Variants in GRIA4 observed in about 807,000 individuals in gnomAD.
GRIA4 encodes glutamate receptor 4.
A neutral mutation model predicts 104.0 loss-of-function variants in GRIA4; 34 were observed. The ratio of observed to expected loss-of-function variants is 0.33; its 90% CI spans 0.25 to 0.44. The LOEUF (loss-of-function observed/expected upper bound fraction) is 0.44. GRIA4 is among the 20% of genes least tolerant of loss of function. GRIA4 has a pLI of 1.00. For synonymous variants in GRIA4, 386 were observed against 381.9 expected (o/e 1.01, Z -0.13); for missense variants, 750 against 1,096.5 (o/e 0.68, Z 4.46).
At chr11:105,948,869 G>A (rs1240718753) in intron 14 of GRIA4, among the ~76,000 whole-genome samples, 1 of 152,008 alleles carries the variant, frequency 6.6e-6, no homozygotes, top group Non-Finnish European at 1.5e-5. Flanking sequence ...GAGATGACAG[G>A]CATGAGCCAC....
intron 12 of GRIA4, among the ~76,000 whole-genome samples, chr11:105,924,995 T>C (rs1458608396): frequency 6.6e-6 from 1 of 152,092 alleles, no homozygotes; most frequent in Non-Finnish European, 1.5e-5. Context: ...CCATCAGAGC[T>C]CTCAAAAATC....
chr11:105,874,147 T>A (rs935428141), intron 5 of GRIA4, among the ~76,000 whole-genome samples: 1 of 152,192 alleles, frequency 6.6e-6, no homozygotes, highest in Non-Finnish European at 1.5e-5. Context: ...CTAGCCAGTT[T>A]TCCCAGCACC....
chr11:105,965,536 G>A (rs1333217833), intron 14 of GRIA4, among the ~76,000 whole-genome samples: 1 of 146,602 alleles, frequency 6.8e-6, no homozygotes, highest in East Asian at 2.1e-4. Flanking sequence ...TTGATGGTTT[G>A]TATATGCCAT....
intron 4 of GRIA4, among the ~76,000 whole-genome samples, chr11:105,803,616 A>G (rs1275778577): frequency 6.6e-6 from 1 of 151,938 alleles, no homozygotes; most frequent in African/African-American, 2.4e-5. Flanking sequence ...TTTTAGATCA[A>G]TGTTCATGAA....
intron 3 of GRIA4, among the ~76,000 whole-genome samples, chr11:105,667,325 C>T (rs986482244): frequency 2.0e-5 from 3 of 151,818 alleles, no homozygotes; most frequent in Non-Finnish European, 4.4e-5. Flanking sequence ...AAAAAAGTTA[C>T]TGGATGCCTA....
At position 105,967,317 on chromosome 11, in the gene GRIA4, A is replaced by G. The variant is rs548957140; in HGVS notation, c.2295-4597A>G. On this transcript the variant is annotated intron_variant, in intron 14 of 16. Transcript: ENST00000282499. ...AAAAATAAGCAAGCATAACAGAAACATATATATGTTAGAAAAATCTATGTA... is the reference window on the plus strand; with the variant it reads ...AAAAATAAGCAAGCATAACAGAAACGTATATATGTTAGAAAAATCTATGTA... Among the ~76,000 whole-genome samples the G allele has an allele frequency of 2.6e-5, 4 of 152,304 alleles. No homozygotes were observed. In the South Asian group the frequency reaches 6.2e-4, roughly 24 times the overall value.
intron 6 of GRIA4, among the ~76,000 whole-genome samples, chr11:105,897,433 G>A (rs1366448679): frequency 1.3e-5 from 2 of 151,844 alleles, no homozygotes; most frequent in African/African-American, 4.8e-5. Context: ...GGCTAGGATT[G>A]GAGGTACTAT....
At chr11:105,817,631 C>T (rs960642897) in intron 4 of GRIA4, among the ~76,000 whole-genome samples, 4 of 151,766 alleles carry the variant, frequency 2.6e-5, no homozygotes, top group African/African-American at 9.7e-5. Context: ...AGGATAAATT[C>T]CATTTCAAAA....
chr11:105,910,844 A>G (rs989538827), intron 10 of GRIA4, among the ~76,000 whole-genome samples: 1 of 152,158 alleles, frequency 6.6e-6, no homozygotes, highest in African/African-American at 2.4e-5. Flanking sequence ...CTAAAGCACA[A>G]AACAGTGAAC....
At chr11:105,939,917 A>G (rs1008918050) in intron 14 of GRIA4, among the ~76,000 whole-genome samples, 13 of 152,168 alleles carry the variant, frequency 8.5e-5, no homozygotes, top group Non-Finnish European at 1.5e-5. Context: ...AGGAGGAACC[A>G]TTACCTTCTT....
At chr11:105,894,924 C>G (rs936912469) in intron 6 of GRIA4, among the ~76,000 whole-genome samples, 4 of 138,274 alleles carry the variant, frequency 2.9e-5, no homozygotes, top group Non-Finnish European at 6.3e-5. Flanking sequence ...CTCAGCCTCC[C>G]GAGTAGCTGG....
intron 4 of GRIA4, among the ~76,000 whole-genome samples, chr11:105,773,769 T>C (rs954735978): frequency 4.0e-5 from 6 of 151,852 alleles, no homozygotes; most frequent in Admixed American, 2.0e-4. Context: ...TTCCACCTGG[T>C]TGGGGAGAAT....
chr11:105,740,336 G>T (rs997484320), intron 3 of GRIA4, among the ~76,000 whole-genome samples: 1 of 152,176 alleles, frequency 6.6e-6, no homozygotes, highest in Admixed American at 6.6e-5. Context: ...AAACTTAACT[G>T]CCAGGGTCAA....
intron 3 of GRIA4, among the ~76,000 whole-genome samples, chr11:105,745,560 A>G (rs1212032348): frequency 6.6e-6 from 1 of 152,154 alleles, no homozygotes; most frequent in Non-Finnish European, 1.5e-5. Context: ...AAGCCAATAT[A>G]CCCAGAACAA....
chr11:105,646,089 C>A (rs1012146247), intron 3 of GRIA4, among the ~76,000 whole-genome samples: 1 of 152,024 alleles, frequency 6.6e-6, no homozygotes, highest in Non-Finnish European at 1.5e-5. Flanking sequence ...TGAGGGAAAC[C>A]CATATTAGCT....
chr11:105,911,726 G>A (rs546517525), intron 10 of GRIA4: 96 of 160,622 alleles, frequency 6.0e-4, no homozygotes, highest in African/African-American at 2.0e-3. Flanking sequence ...CAGTTTTTGC[G>A]TAAACTTTCT....
At chr11:105,704,529 C>A (rs1236839582) in intron 3 of GRIA4, among the ~76,000 whole-genome samples, 1 of 151,898 alleles carries the variant, frequency 6.6e-6, no homozygotes, top group Non-Finnish European at 1.5e-5. Context: ...GGAGCTCATT[C>A]TTCATCTTAA....
At chr11:105,974,693 T>C in intron 16 of GRIA4, 1 of 815,246 alleles carries the variant, frequency 1.2e-6, no homozygotes, top group Non-Finnish European at 1.9e-6. Context: ...GCAAATTGGT[T>C]CGGTTTTCTT....
In GRIA4 at chr11:105,924,439, T is replaced by C. The variant is rs1206478965; in HGVS notation, c.1517T>C (p.Val506Ala). 6.2e-7 allele frequency: 1 copy of C among 1,608,718 alleles called. No homozygotes were observed. The highest frequency in any genetic ancestry group is 8.5e-7 in the Non-Finnish European group (1 of 1,175,940). Residue 506 changes from valine (V) to alanine (A), a missense_variant, in exon 12 of 17, where the codon GTA (valine) becomes GCA (alanine). Around this residue, in one of 3 missense-constraint regions of GRIA4, gnomAD observed 272 missense variants for 524.5 expected, o/e 0.52. Transcript: ENST00000282499. ...ATTGCCCCTCTGACAATCACTTTGG[T>C]ACGAGAGGAGGTCATTGACTTTTCT... Reference protein sequence around the residue: ...IAIAPLTITLVREEVIDFSKP... With the variant: ...IAIAPLTITLAREEVIDFSKP...
Sources: gnomAD v4.1 joint callset for allele counts (sites outside exome capture counted in the v4.1 genomes callset) on GRCh38, gnomAD v4.1.1 for gene constraint, gnomAD v4.1.1 regional missense constraint, MANE v1.5 for transcripts, NCBI Gene and HGNC (gene_info 2026-07-23, HGNC 2026-07-21) for gene names.